The following SEL1L2 variants were observed in gnomAD, a reference collection of about 807,000 sequenced individuals.
SEL1L2 encodes the protein SEL1L2 adaptor subunit of SYVN1 ubiquitin ligase, also known as protein sel-1 homolog 2.
A neutral mutation model predicts 98.8 loss-of-function variants in SEL1L2; 89 were observed. The ratio of observed to expected loss-of-function variants is 0.90; its 90% CI spans 0.76 to 1.07. The LOEUF (loss-of-function observed/expected upper bound fraction) is 1.07. SEL1L2 is among the 50% of genes least tolerant of loss of function. SEL1L2 has a pLI of 0.00. For synonymous variants in SEL1L2, 262 were observed against 278.5 expected, an observed-to-expected ratio of 0.94 and a Z score of 0.59; for missense variants, 788 against 812.0, an observed-to-expected ratio of 0.97 and a Z score of 0.36.
At chr20:13,854,638 A>G (rs1272350408) in intron 18 of SEL1L2, among the ~76,000 whole-genome samples, 3 of 152,360 alleles carry the variant, frequency 2.0e-5, no homozygotes, top group South Asian at 4.1e-4. Context: ...TTGTATCCAC[A>G]GAACCAAGCA....
intron 2 of SEL1L2, among the ~76,000 whole-genome samples, chr20:13,936,811 C>T (rs1041901210): frequency 6.6e-6 from 1 of 152,164 alleles, no homozygotes; most frequent in Non-Finnish European, 1.5e-5. Flanking sequence ...CAAGATGAAC[C>T]CATTGGGTGG....
At chr20:13,890,127 G>C (rs1297493522) in intron 5 of SEL1L2, among the ~76,000 whole-genome samples, 1 of 152,172 alleles carries the variant, frequency 6.6e-6, no homozygotes. Context: ...CCTCCCTCAA[G>C]CCAGCACAGC....
At chr20:13,926,498 C>A (rs1455527668) in intron 3 of SEL1L2, among the ~76,000 whole-genome samples, 1 of 152,074 alleles carries the variant, frequency 6.6e-6, no homozygotes, top group Non-Finnish European at 1.5e-5. Flanking sequence ...TTAGAGTTGT[C>A]TCAGGTTAGG....
At chr20:13,862,137 T>C (rs900967980) in intron 17 of SEL1L2, among the ~76,000 whole-genome samples, 8 of 152,160 alleles carry the variant, frequency 5.3e-5, no homozygotes, top group South Asian at 2.1e-4. Flanking sequence ...TAAATACATA[T>C]AGAATGAATG....
chr20:13,986,777 T>C (rs1054730648), intron 1 of SEL1L2, among the ~76,000 whole-genome samples: 1 of 152,232 alleles, frequency 6.6e-6, no homozygotes, highest in African/African-American at 2.4e-5. Context: ...TACCTAGTAA[T>C]GAAATTAATA....
chr20:13,974,895 A>T (rs914379515), intron 1 of SEL1L2, among the ~76,000 whole-genome samples: 1 of 152,052 alleles, frequency 6.6e-6, no homozygotes, highest in Non-Finnish European at 1.5e-5. Context: ...GGAATTCCTG[A>T]TGATTTCAAA....
rs151104224 is a variant in SEL1L2 at position 13,990,241 on chromosome 20, T to C, written c.58+236A>G. Among the ~76,000 whole-genome samples, 68 of 152,314 alleles carry C rather than the reference T, an allele frequency of 4.5e-4. No individual in the cohort carries two copies. The East Asian group carries it at 9.2e-3, about 21-fold the overall frequency. ...TAGTGGTTTCCTCATAGATTTGTTTTTTCCCCATCCCCCACACCCTTCCCA... is the reference window on the plus strand; with the variant it reads ...TAGTGGTTTCCTCATAGATTTGTTTCTTCCCCATCCCCCACACCCTTCCCA... On this transcript the variant is annotated intron_variant, in intron 1 of 19. Transcript: ENST00000284951.
intron 15 of SEL1L2, 80 bp from the exon 16 acceptor site, chr20:13,865,594 T>G (rs957740192): frequency 7.9e-7 from 1 of 1,262,728 alleles, no homozygotes; most frequent in Non-Finnish European, 1.1e-6. Context: ...AAATCAGTCT[T>G]CAGCTCCTAC....
chr20:13,961,287 A>C (rs139554289), intron 1 of SEL1L2, among the ~76,000 whole-genome samples: 66 of 152,332 alleles, frequency 4.3e-4, no homozygotes, highest in African/African-American at 1.6e-3. Context: ...TTTTTTTAAA[A>C]AACAAAAATC....
At chr20:13,863,518 G>A (rs1295844515) in intron 17 of SEL1L2, among the ~76,000 whole-genome samples, 2 of 152,170 alleles carry the variant, frequency 1.3e-5, no homozygotes, top group Non-Finnish European at 2.9e-5. Flanking sequence ...AAGGAGTATG[G>A]CCAGTGACTA....
chr20:13,897,980 A>G (rs890026908), intron 5 of SEL1L2, among the ~76,000 whole-genome samples: 3 of 152,172 alleles, frequency 2.0e-5, no homozygotes, highest in African/African-American at 7.2e-5. Context: ...AACCCAGAAA[A>G]TAAAAACCGC....
rs748901954 is a variant in SEL1L2, at chr20:13,919,004, A to G, written c.386+17T>C. The G allele has an allele frequency of 1.2e-5, 19 of 1,551,956 alleles. No homozygotes were observed. In the South Asian group the frequency reaches 2.1e-4, roughly 17 times the overall value. On this transcript the variant is annotated intron_variant, in intron 4 of 19. Transcript: ENST00000284951. The stretch of plus-strand genomic sequence containing the variant: ...CTGGAAATTCAACTTGGCTAAGGTC[A>G]CTGGATAAAGACTTACTCTTCTTTT...
intron 5 of SEL1L2, among the ~76,000 whole-genome samples, chr20:13,901,693 A>G (rs1403298572): frequency 7.0e-6 from 1 of 142,664 alleles, no homozygotes; most frequent in Non-Finnish European, 1.5e-5. Flanking sequence ...ACGGAGTCTC[A>G]CTCTGTCGCC....
At chr20:13,877,388 G>C in intron 11 of SEL1L2, 132 bp downstream of exon 11, 1 of 623,668 alleles carries the variant, frequency 1.6e-6, no homozygotes, top group East Asian at 2.8e-5. Flanking sequence ...GCCCAGGCTG[G>C]TTGCCTGTGC....
chr20:13,966,177 C>A lies in SEL1L2; in HGVS notation c.59-10046G>T, dbSNP rs199583876. On this transcript the variant is annotated intron_variant, in intron 1 of 19. Coordinates refer to ENST00000284951, the MANE Select transcript of SEL1L2 (RefSeq NM_025229.2). ...CTGTGAAGTGCTATAAAGTGAAGGG[C>A]AAGAAAACAAGGTACGCATGTATGA... Among the ~76,000 whole-genome samples, 4 of 152,086 alleles carry A rather than the reference C, an allele frequency of 2.6e-5. No homozygotes were observed. In the East Asian group the frequency reaches 7.7e-4, roughly 29 times the overall value.
At chr20:13,905,934 G>C (rs979778791) in intron 5 of SEL1L2, among the ~76,000 whole-genome samples, 2 of 148,980 alleles carry the variant, frequency 1.3e-5, no homozygotes, top group Non-Finnish European at 3.0e-5. Context: ...GAATGCAATG[G>C]TGCAGTCTCG....
chr20:13,934,389 A>C (rs1395508328), intron 2 of SEL1L2, among the ~76,000 whole-genome samples: 4 of 2,592 alleles, frequency 1.5e-3, no homozygotes, highest in Non-Finnish European at 3.2e-3. Flanking sequence ...TATATATTCC[A>C]TATATATATA....
At chr20:13,909,025 A>G (rs2048102565) in intron 5 of SEL1L2, among the ~76,000 whole-genome samples, 1 of 148,514 alleles carries the variant, frequency 6.7e-6, no homozygotes. Flanking sequence ...CCTCTCATCT[A>G]TTATATTTCC....
At chr20:13,965,627 CT>C (rs2051005675) in intron 1 of SEL1L2, among the ~76,000 whole-genome samples, 1 of 152,128 alleles carries the variant, frequency 6.6e-6, no homozygotes, top group Admixed American at 6.6e-5. Context: ...TCCCTAAGTA[CT>C]GTTTTCATCA....
Sources: allele counts gnomAD v4.1 joint callset (sites outside exome capture counted in the v4.1 genomes callset), GRCh38; gene constraint gnomAD v4.1.1; transcripts MANE v1.5; gene names NCBI Gene and HGNC (gene_info 2026-07-23, HGNC 2026-07-21).